Variants in SLC71A2 observed in about 807,000 individuals in gnomAD.
The protein encoded by SLC71A2 is hippocampus abundant transcript-like 1.
At chr9:94,437,453 C>T in the SLC71A2 span, among the ~76,000 whole-genome samples, 16 of 151,878 alleles carry the variant, frequency 1.1e-4, no homozygotes, top group Non-Finnish European at 1.9e-4. Context: ...CCTTGACTTC[C>T]TTTGCTTCTG....
the SLC71A2 span, among the ~76,000 whole-genome samples, chr9:94,406,980 G>T: frequency 1.3e-5 from 2 of 152,106 alleles, no homozygotes; most frequent in Non-Finnish European, 2.9e-5. Context: ...TCTTTGTCTT[G>T]TTTCTGATCT....
chr9:94,375,213 G>C, the SLC71A2 span, among the ~76,000 whole-genome samples: 1 of 152,004 alleles, frequency 6.6e-6, no homozygotes, highest in Admixed American at 6.5e-5. Flanking sequence ...CCCTGTAACA[G>C]TTGATAACAG....
chr9:94,435,650 CT>C, the SLC71A2 span, among the ~76,000 whole-genome samples: 169 of 48,414 alleles, frequency 3.5e-3, no homozygotes, highest in African/African-American at 7.1e-3. Context: ...TTTCCTTCTT[CT>C]TTTTTTTTTT....
At chr9:94,405,930 G>T in the SLC71A2 span, among the ~76,000 whole-genome samples, 1 of 150,158 alleles carries the variant, frequency 6.7e-6, no homozygotes, top group Non-Finnish European at 1.5e-5. Context: ...ATGAACATGG[G>T]ATGTCTTTAT....
chr9:94,391,670 C>T, the SLC71A2 span, among the ~76,000 whole-genome samples: 1 of 149,182 alleles, frequency 6.7e-6, no homozygotes, highest in African/African-American at 2.5e-5. Flanking sequence ...GGCGGATTGC[C>T]TCTGTTCAGG....
chr9:94,384,771 T>C, the SLC71A2 span, among the ~76,000 whole-genome samples: 1 of 152,178 alleles, frequency 6.6e-6, no homozygotes, highest in Non-Finnish European at 1.5e-5. Context: ...TTAATTGCCA[T>C]TGTAATAGTA....
chr9:94,460,496 G>GTGA, the SLC71A2 span: 1 of 144,948 alleles, frequency 6.9e-6, no homozygotes. Flanking sequence ...GTTTTATGAA[G>GTGA]CTGAGTTTCA....
the SLC71A2 span, among the ~76,000 whole-genome samples, chr9:94,392,445 G>A: frequency 1.3e-5 from 2 of 151,992 alleles, no homozygotes; most frequent in Non-Finnish European, 1.5e-5. Flanking sequence ...TCTGTCTCAG[G>A]ATCTTCAGTT....
At chr9:94,387,025 TATGA>T in the SLC71A2 span, among the ~76,000 whole-genome samples, 1 of 152,162 alleles carries the variant, frequency 6.6e-6, no homozygotes, top group Non-Finnish European at 1.5e-5. Flanking sequence ...AGTATTTCAA[TATGA>T]ATATTACTAT....
chr9:94,381,459 A>G, the SLC71A2 span, among the ~76,000 whole-genome samples: 4,624 of 151,662 alleles, frequency 0.03, 8 homozygotes, highest in African/African-American at 0.1. Flanking sequence ...GTAAATCGGT[A>G]GTTCATTCTT....
the SLC71A2 span, among the ~76,000 whole-genome samples, chr9:94,456,628 CAATT>C: frequency 6.6e-6 from 1 of 152,136 alleles, no homozygotes; most frequent in East Asian, 1.9e-4. Flanking sequence ...TTTAGTGTCA[CAATT>C]AAGCAGACTA....
chr9:94,451,623 C>T, the SLC71A2 span: 1 of 598,076 alleles, frequency 1.7e-6, no homozygotes, highest in Non-Finnish European at 2.9e-6. Flanking sequence ...GGAAGATATT[C>T]CCTGAGCTGC....
At chr9:94,446,062 GCTA>G in the SLC71A2 span, among the ~76,000 whole-genome samples, 1 of 152,180 alleles carries the variant, frequency 6.6e-6, no homozygotes, top group African/African-American at 2.4e-5. Flanking sequence ...GTGAAGTAGA[GCTA>G]CTGTGGCTTA....
At chr9:94,455,154 TCC>T in the SLC71A2 span, among the ~76,000 whole-genome samples, 2 of 124,374 alleles carry the variant, frequency 1.6e-5, no homozygotes, top group African/African-American at 3.4e-5. Flanking sequence ...GCTTGCTCTT[TCC>T]TTTTTTTTTT....
At chr9:94,381,277 C>T in the SLC71A2 span, among the ~76,000 whole-genome samples, 6 of 151,238 alleles carry the variant, frequency 4.0e-5, no homozygotes, top group South Asian at 6.3e-4. Flanking sequence ...CTCAGACCAT[C>T]CGCCCGCCTC....
chr9:94,388,818 C>T, the SLC71A2 span, among the ~76,000 whole-genome samples: 1 of 151,954 alleles, frequency 6.6e-6, no homozygotes, highest in African/African-American at 2.4e-5. Flanking sequence ...GTATAAGTTA[C>T]AAAGCCAAAA....
the SLC71A2 span, among the ~76,000 whole-genome samples, chr9:94,401,255 C>T: frequency 6.6e-6 from 1 of 152,090 alleles, no homozygotes; most frequent in Non-Finnish European, 1.5e-5. Flanking sequence ...ACTGCAACCT[C>T]CGCCTTCCGA....
the SLC71A2 span, chr9:94,456,369 C>A: frequency 6.4e-7 from 1 of 1,559,602 alleles, no homozygotes; most frequent in Non-Finnish European, 8.8e-7. Context: ...TGTTTTTCTC[C>A]TTCAACGGGA....
chr9:94,444,551 T>C, the SLC71A2 span, among the ~76,000 whole-genome samples: 1 of 152,208 alleles, frequency 6.6e-6, no homozygotes, highest in South Asian at 2.1e-4. Context: ...TTTGTAAGTT[T>C]TATCATCAGC....
Sources: gnomAD v4.1 joint callset for allele counts (sites outside exome capture counted in the v4.1 genomes callset) on GRCh38, gnomAD v4.1.1 for gene constraint, MANE v1.5 for transcripts, NCBI Gene and HGNC (gene_info 2026-07-23, HGNC 2026-07-21) for gene names.